Variants in NDST3 observed in about 807,000 individuals in gnomAD.
The protein encoded by NDST3 is N-deacetylase and N-sulfotransferase 3, also known as bifunctional heparan sulfate N-deacetylase/N-sulfotransferase 3.
In NDST3, 58 loss-of-function variants were observed where a neutral mutation model predicts 96.1. The observed-to-expected ratio is 0.60, with a 90% CI of 0.49 to 0.75. The LOEUF (loss-of-function observed/expected upper bound fraction) is 0.75. NDST3 is among the 30% of genes least tolerant of loss of function. NDST3 has a pLI of 0.00. For missense variants in NDST3, 788 were observed against 1,034.2 expected, an observed-to-expected ratio of 0.76 and a Z score of 3.27; for synonymous variants, 333 against 359.7, an observed-to-expected ratio of 0.93 and a Z score of 0.84.
Position 118,053,819 on chromosome 4 carries a change from T to C in NDST3, c.-92T>C. ...GAGCTGCAATGGTGACATAAACTCTTGACAGAGATTGGAAAAGTAGCTGGA... is the reference window on the plus strand; with the variant it reads ...GAGCTGCAATGGTGACATAAACTCTCGACAGAGATTGGAAAAGTAGCTGGA... On this transcript the variant is annotated 5_prime_UTR_variant, in exon 2 of 14. It removes the in-frame stop codon of an upstream open reading frame in the 5' UTR. Coordinates refer to ENST00000296499, the MANE Select transcript of NDST3 (RefSeq NM_004784.3). 3 of 1,393,818 alleles carry C rather than the reference T, an allele frequency of 2.2e-6. No individual in the cohort carries two copies. The highest frequency in any genetic ancestry group is 1.9e-6 in the Non-Finnish European group (2 of 1,033,282). 86.3% of individuals were successfully genotyped at this position (1,393,818 alleles called of 1,614,324 possible). A position where few individuals can be genotyped will look rare whatever the true frequency, so the allele number is the denominator to read the frequency against.
chr4:118,121,968 C>G (rs1342702140), intron 4 of NDST3, among the ~76,000 whole-genome samples: 2 of 152,168 alleles, frequency 1.3e-5, no homozygotes, highest in Non-Finnish European at 2.9e-5. Context: ...TATGGGAAGA[C>G]TCCATACTCT....
At chr4:118,065,116 G>T (rs764134835) in intron 2 of NDST3, among the ~76,000 whole-genome samples, 6 of 152,034 alleles carry the variant, frequency 3.9e-5, no homozygotes, top group Admixed American at 6.6e-5. Flanking sequence ...ACATTCACAG[G>T]TTCCAGGGAT....
chr4:118,137,317 A>G (rs551157504), intron 4 of NDST3, among the ~76,000 whole-genome samples: 2 of 152,166 alleles, frequency 1.3e-5, no homozygotes, highest in Non-Finnish European at 2.9e-5. Flanking sequence ...GACACGTTTC[A>G]TTTTGTATTA....
chr4:118,160,610 T>G (rs998862012), intron 6 of NDST3, among the ~76,000 whole-genome samples: 1 of 152,116 alleles, frequency 6.6e-6, no homozygotes, highest in African/African-American at 2.4e-5. Flanking sequence ...ATCGCTTCAT[T>G]TCATTCATTT....
intron 6 of NDST3, among the ~76,000 whole-genome samples, chr4:118,192,304 T>C (rs1165514460): frequency 3.3e-5 from 5 of 152,166 alleles, no homozygotes; most frequent in African/African-American, 1.2e-4. Context: ...ATCCCATTTG[T>C]CTATTTTTGG....
At chr4:118,135,454 A>G (rs1423064427) in intron 4 of NDST3, among the ~76,000 whole-genome samples, 1 of 152,206 alleles carries the variant, frequency 6.6e-6, no homozygotes, top group East Asian at 1.9e-4. Context: ...GAGGCAGGGT[A>G]GTAATGACAA....
At chr4:118,229,281 A>G (rs1325687281) in intron 8 of NDST3, among the ~76,000 whole-genome samples, 1 of 152,260 alleles carries the variant, frequency 6.6e-6, no homozygotes, top group African/African-American at 2.4e-5. Context: ...AGCCTGGACA[A>G]CAGAGTGGAC....
rs780660888 is a variant in NDST3 at position 118,237,266 on chromosome 4, G to A, written c.2118+46G>A. 7 of 1,473,234 alleles carry A rather than the reference G, an allele frequency of 4.8e-6. No homozygotes were observed. The South Asian group carries it at 9.9e-5, about 21-fold the overall frequency. 91.3% of individuals were successfully genotyped at this position (1,473,234 alleles called of 1,614,324 possible). A position where few individuals can be genotyped will look rare whatever the true frequency, so the allele number is the denominator to read the frequency against. On this transcript the variant is annotated intron_variant, in intron 10 of 13. Transcript: ENST00000296499. ...ATCCAACAGGGAGAAGTGGAGTATG[G>A]ACAATGGAGCATTGTTTTTAGCAAT...
chr4:118,238,155 A>AAAGAAAG (rs1740772122), intron 10 of NDST3, among the ~76,000 whole-genome samples: 10 of 91,282 alleles, frequency 1.1e-4, no homozygotes, highest in East Asian at 3.0e-4. Context: ...GAAAAGAAAG[A>AAAGAAAG]AAAGAAAGAA....
intron 6 of NDST3, among the ~76,000 whole-genome samples, chr4:118,149,300 T>C (rs1043731610): frequency 6.6e-6 from 1 of 152,120 alleles, no homozygotes; most frequent in Non-Finnish European, 1.5e-5. Flanking sequence ...AGAAAGTCAT[T>C]GGTAGCTTGA....
chr4:118,215,705 G>A (rs1392577912), intron 6 of NDST3, among the ~76,000 whole-genome samples: 8 of 152,112 alleles, frequency 5.3e-5, no homozygotes, highest in Admixed American at 2.0e-4. Context: ...AAGTAGATGC[G>A]ATGAAAAGCA....
At chr4:118,138,765 A>G (rs1733333037) in intron 5 of NDST3, among the ~76,000 whole-genome samples, 2 of 152,078 alleles carry the variant, frequency 1.3e-5, no homozygotes, top group South Asian at 4.1e-4. Context: ...ATTTGCATAC[A>G]CCATCTAATT....
At chr4:118,206,148 AACACCCAAC>A (rs1434013681) in intron 6 of NDST3, among the ~76,000 whole-genome samples, 2 of 143,792 alleles carry the variant, frequency 1.4e-5, no homozygotes, top group Non-Finnish European at 3.1e-5. Flanking sequence ...CAACACCCAC[AACACCCAAC>A]ACCCACCCAC....
chr4:118,159,188 TTATCTTATC>T (rs1382641468), intron 6 of NDST3, among the ~76,000 whole-genome samples: 1 of 152,172 alleles, frequency 6.6e-6, no homozygotes. Context: ...AAACTAGTTT[TTATCTTATC>T]TGTCTCCAAG....
chr4:118,077,939 G>A (rs888930073), intron 2 of NDST3, among the ~76,000 whole-genome samples: 1 of 152,150 alleles, frequency 6.6e-6, no homozygotes, highest in African/African-American at 2.4e-5. Flanking sequence ...CCGCCCTTCT[G>A]TCCAGGTGAT....
intron 6 of NDST3, among the ~76,000 whole-genome samples, chr4:118,158,171 C>G (rs1037271068): frequency 9.2e-5 from 14 of 152,096 alleles, no homozygotes; most frequent in Non-Finnish European, 1.5e-5. Flanking sequence ...TATCTAGAAT[C>G]AATGACACTT....
At chr4:118,198,447 G>C (rs983019449) in intron 6 of NDST3, among the ~76,000 whole-genome samples, 3 of 152,094 alleles carry the variant, frequency 2.0e-5, no homozygotes, top group African/African-American at 7.2e-5. Context: ...AATTTACAAA[G>C]ACTTCCTGCA....
At chr4:118,253,364 C>A in intron 12 of NDST3, 135 bp from the exon 13 acceptor site, 1 of 536,052 alleles carries the variant, frequency 1.9e-6, no homozygotes, top group South Asian at 3.3e-5. Flanking sequence ...AATTCAGTTT[C>A]TCTGGTTATA....
chr4:118,113,897 G>A (rs1435288471), intron 3 of NDST3, among the ~76,000 whole-genome samples: 1 of 152,090 alleles, frequency 6.6e-6, no homozygotes, highest in East Asian at 1.9e-4. Context: ...ACCTTATACT[G>A]CTCTTATTTT....
Sources: allele counts gnomAD v4.1 joint callset (sites outside exome capture counted in the v4.1 genomes callset), GRCh38; gene constraint gnomAD v4.1.1; transcripts MANE v1.5; gene names NCBI Gene and HGNC (gene_info 2026-07-23, HGNC 2026-07-21).